Variants in NRIP3 observed in about 807,000 individuals in gnomAD.
NRIP3 encodes nuclear receptor-interacting protein 3.
Under a neutral mutation model 29.0 loss-of-function variants are expected in NRIP3, and 31 were observed. That is an observed-to-expected ratio of 1.07 (90% confidence interval 0.80 to 1.44). The LOEUF (loss-of-function observed/expected upper bound fraction) is 1.44, where lower values mean the gene tolerates loss of function less well. NRIP3 is among the 40% of genes most tolerant of loss of function. The pLI is 0.00. For missense variants in NRIP3, 314 were observed against 297.9 expected (o/e 1.05, Z -0.40); for synonymous variants, 131 against 118.3 (o/e 1.11, Z -0.70).
intron 6 of NRIP3, 28 bp from the exon 7 acceptor site, chr11:8,983,588 A>C (rs755711347): frequency 8.1e-6 from 13 of 1,608,764 alleles, no homozygotes; most frequent in Non-Finnish European, 1.0e-5. Flanking sequence ...TATCAGGAGA[A>C]ATAATGCCAA....
At chr11:8,998,856 C>G (rs957758604) in intron 1 of NRIP3, among the ~76,000 whole-genome samples, 1 of 138,538 alleles carries the variant, frequency 7.2e-6, no homozygotes, top group Admixed American at 7.8e-5. Flanking sequence ...TGCATTGGCA[C>G]GATCTCGGCT....
In NRIP3 at chr11:8,988,045, AT is replaced by A. The variant is rs1047805540; in HGVS notation, c.339+72del. 23 of 1,443,376 alleles carry A rather than the reference AT, an allele frequency of 1.6e-5. No individual in the cohort carries two copies. In the African/African-American group the frequency reaches 2.8e-4, roughly 18 times the overall value. The allele number at this position is 1,443,376 out of a possible 1,614,324, so 89.4% of individuals were successfully genotyped here. On this transcript the variant is annotated intron_variant, in intron 2 of 6. Coordinates refer to ENST00000309166, the MANE Select transcript of NRIP3 (RefSeq NM_020645.3). ...ATGAATTCCATGAGACCCACACTCT[AT>A]AAAGTCAGGAGGAGAGGGCCCCACA...
chr11:8,982,989 C>T lies in NRIP3; in HGVS notation c.*556G>A, dbSNP rs1296151721. ...ATATGAACTTAGACAATTCACTTGC[C>T]TCTCTGGACCTTTAAATGAAAGAGT... On this transcript the variant is annotated 3_prime_UTR_variant, in exon 7 of 7. Coordinates refer to ENST00000309166, the MANE Select transcript of NRIP3 (RefSeq NM_020645.3). 4 of 456,554 alleles carry T rather than the reference C, an allele frequency of 8.8e-6. No individual in the cohort carries two copies. The highest frequency in any genetic ancestry group is 1.8e-5 in the Non-Finnish European group (4 of 226,998). 28.3% of individuals were successfully genotyped at this position (456,554 alleles called of 1,614,324 possible).
chr11:8,984,446 A>G (rs1358384772), intron 4 of NRIP3, among the ~76,000 whole-genome samples: 1 of 152,118 alleles, frequency 6.6e-6, no homozygotes, highest in Non-Finnish European at 1.5e-5. Flanking sequence ...TATTTTTAGT[A>G]GAGACAGGGT....
At chr11:8,995,361 T>C (rs1854683696) in intron 1 of NRIP3, among the ~76,000 whole-genome samples, 1 of 152,210 alleles carries the variant, frequency 6.6e-6, no homozygotes, top group African/African-American at 2.4e-5. Context: ...AACCTTACTC[T>C]CTTGATCAGT....
At chr11:9,003,153 G>A (rs1246546480) in intron 1 of NRIP3, among the ~76,000 whole-genome samples, 1 of 152,168 alleles carries the variant, frequency 6.6e-6, no homozygotes, top group Non-Finnish European at 1.5e-5. Context: ...CTTGGGGGCG[G>A]GGCTGGAAGA....
intron 1 of NRIP3, among the ~76,000 whole-genome samples, chr11:9,000,943 CCTGT>C (rs1300615973): frequency 6.6e-6 from 1 of 151,984 alleles, no homozygotes; most frequent in Non-Finnish European, 1.5e-5. Context: ...GTGGTGTGCA[CCTGT>C]AATCCTAGCT....
intron 1 of NRIP3, among the ~76,000 whole-genome samples, chr11:9,003,553 G>C (rs1854848571): frequency 6.6e-6 from 1 of 152,248 alleles, no homozygotes; most frequent in African/African-American, 2.4e-5. Context: ...CACAGCCGAG[G>C]GGAGCGCAAG....
chr11:8,998,707 T>C (rs1854748790), intron 1 of NRIP3, among the ~76,000 whole-genome samples: 1 of 152,160 alleles, frequency 6.6e-6, no homozygotes, highest in Non-Finnish European at 1.5e-5. Context: ...ACTTATCTTC[T>C]TCTAGAATTG....
At position 8,983,870 on chromosome 11, in the gene NRIP3, C is replaced by T. The variant is rs577609921; in HGVS notation, c.710+5G>A. On this transcript the variant is annotated splice_donor_5th_base_variant and intron_variant, in intron 6 of 6. Transcript: ENST00000309166. The stretch of plus-strand genomic sequence containing the variant: ...TGACTTGATCTGACCCATTTGGGCA[C>T]TCACTTGTCTTCATTCAAAGAGACT... The T allele has an allele frequency of 1.2e-6, 2 of 1,612,900 alleles. No homozygotes were observed. The highest frequency in any genetic ancestry group is 1.7e-5 in the Admixed American group (1 of 60,022).
Position 8,987,627 on chromosome 11 carries a change from C to T in NRIP3, c.343G>A (p.Ala115Thr), listed in dbSNP as rs775102158. The T allele has an allele frequency of 1.8e-5, 29 of 1,612,738 alleles. No individual in the cohort carries two copies. The East Asian group carries it at 5.1e-4, about 28-fold the overall frequency. ...ACCAAGGCTTTCACATCCTTTCCAGCACACTGTGGGGAGGAAATGTACTGT... is the reference window on the plus strand; with the variant it reads ...ACCAAGGCTTTCACATCCTTTCCAGTACACTGTGGGGAGGAAATGTACTGT... ...DDMILVSCQC[A>T]GKDVKALVDT... Residue 115 changes from alanine to threonine, a missense_variant, in exon 3 of 7, where the codon GCT becomes ACT. Ala to Thr is a moderately conservative substitution (Grantham distance 58). Transcript: ENST00000309166.
chr11:9,001,763 T>C (rs1439063047), intron 1 of NRIP3, among the ~76,000 whole-genome samples: 5 of 144,636 alleles, frequency 3.5e-5, no homozygotes, highest in Non-Finnish European at 5.9e-5. Flanking sequence ...CGCTTGCGGC[T>C]CTCCTAGCCC....
Position 8,981,465 on chromosome 11 carries a change from C to CT in NRIP3, c.*2079dup, listed in dbSNP as rs1555230522. The CT allele has an allele frequency of 3.4e-5, 2 of 59,116 alleles. No individual in the cohort carries two copies. Among genetic ancestry groups the CT allele is most frequent in the African/African-American group, 1.2e-4 (2 of 17,054 alleles). 3.7% of individuals were successfully genotyped at this position (59,116 alleles called of 1,614,324 possible). On this transcript the variant is annotated 3_prime_UTR_variant, in exon 7 of 7. Coordinates refer to ENST00000309166, the MANE Select transcript of NRIP3 (RefSeq NM_020645.3). The stretch of plus-strand genomic sequence containing the variant: ...CCTGGGCAACAGAGTGAGACTCTGT[C>CT]TAAAAAAAAAAAAAAAAAAAGAATA...
At chr11:8,984,988 A>G (rs371084365) in intron 4 of NRIP3, among the ~76,000 whole-genome samples, 67 of 151,162 alleles carry the variant, frequency 4.4e-4, no homozygotes, top group African/African-American at 1.6e-3. Context: ...AGTAGCTGGG[A>G]TTAAAGGTAT....
chr11:8,988,887 G>C (rs1429804964), intron 1 of NRIP3, among the ~76,000 whole-genome samples: 1 of 152,200 alleles, frequency 6.6e-6, no homozygotes, highest in East Asian at 1.9e-4. Flanking sequence ...ATTCACACTT[G>C]CTGAGCAAGC....
chr11:8,987,774 C>T (rs933311080), intron 2 of NRIP3, 144 bp from the exon 3 acceptor site: 1 of 702,452 alleles, frequency 1.4e-6, no homozygotes, highest in African/African-American at 1.8e-5. Flanking sequence ...CATCTTTACC[C>T]ACTGCTAAGT....
chr11:8,998,784 ATTTTTTTTTTTTTTTT>A (rs767253373), intron 1 of NRIP3, among the ~76,000 whole-genome samples: 1 of 77,570 alleles, frequency 1.3e-5, no homozygotes, highest in Admixed American at 1.5e-4. Flanking sequence ...CAAACTCTTC[ATTTTTTTTTTTTTTTT>A]TTTTTTTTTT....
At position 8,982,727 on chromosome 11, in the gene NRIP3, A is replaced by G; in HGVS notation, c.*818T>C. On this transcript the variant is annotated 3_prime_UTR_variant, in exon 7 of 7. Coordinates refer to ENST00000309166, the MANE Select transcript of NRIP3 (RefSeq NM_020645.3). ...ACCAAGATGAGGGCCTAAATGTGAC[A>G]GTTTGGGGCAAGGAACTTTTACTGG... 2 of 267,302 alleles carry G rather than the reference A, an allele frequency of 7.5e-6. No individual in the cohort carries two copies. The highest frequency in any genetic ancestry group is 7.6e-5 in the South Asian group (2 of 26,328). The allele number at this position is 267,302 out of a possible 1,614,324, so 16.6% of individuals were successfully genotyped here. A position where few individuals can be genotyped will look rare whatever the true frequency, so the allele number is the denominator to read the frequency against.
rs1008996965 is a variant in NRIP3, at chr11:8,985,112, A to G, written c.562+599T>C. Among the ~76,000 whole-genome samples the G allele has an allele frequency of 1.3e-4, 19 of 151,218 alleles. 1 individual carries two copies. Among genetic ancestry groups the G allele is most frequent in the Admixed American group, 1.3e-3 (19 of 15,196 alleles). ...GTGATCTGCCCGCCTTGGCCCCCCA[A>G]AGTGCTGGGATTACAGGCGTGAGCC... On this transcript the variant is annotated intron_variant, in intron 4 of 6. Coordinates refer to ENST00000309166, the MANE Select transcript of NRIP3 (RefSeq NM_020645.3).
Sources: allele counts gnomAD v4.1 joint callset (sites outside exome capture counted in the v4.1 genomes callset), GRCh38; gene constraint gnomAD v4.1.1; transcripts MANE v1.5; gene names NCBI Gene and HGNC (gene_info 2026-07-23, HGNC 2026-07-21).